Variants in TMEM26 observed in about 807,000 individuals in gnomAD.
The protein encoded by TMEM26 is transmembrane protein 26.
In TMEM26, 38 loss-of-function variants were observed where a neutral mutation model predicts 28.8. The ratio of observed to expected loss-of-function variants is 1.32; its 90% confidence interval spans 1.02 to 1.73. TMEM26 has a LOEUF of 1.73. Among genes scored for constraint, TMEM26 ranks in the 40% most tolerant of loss-of-function variants. The pLI is 0.00. For synonymous variants in TMEM26, 227 were observed against 182.9 expected (o/e 1.24, Z -1.95); for missense variants, 518 against 447.1 (o/e 1.16, Z -1.43).
At chr10:61,414,678 T>C (rs1425687431) in intron 4 of TMEM26, 5 of 152,060 alleles carry the variant, frequency 3.3e-5, no homozygotes, top group Admixed American at 6.6e-5. Flanking sequence ...AATCTCTAGT[T>C]AGATTATATA....
intron 1 of TMEM26, among the ~76,000 whole-genome samples, chr10:61,451,217 C>A (rs1318038893): frequency 2.0e-5 from 3 of 152,132 alleles, no homozygotes; most frequent in Non-Finnish European, 4.4e-5. Context: ...ATGTCAGTAC[C>A]AATCAGCAGT....
At position 61,409,177 on chromosome 10, in the gene TMEM26, G is replaced by A. The variant is rs1839532229; in HGVS notation, c.*1145C>T. The A allele has an allele frequency of 6.6e-6, 1 of 152,208 alleles. No individual in the cohort carries two copies. Among genetic ancestry groups the A allele is most frequent in the Non-Finnish European group, 1.5e-5 (1 of 68,042 alleles). 9.4% of individuals were successfully genotyped at this position (152,208 alleles called of 1,614,324 possible). Reference sequence around the variant, plus strand: ...GAATCACCTCCATCTGGAAAGTATAGAGGTATGTAAAGGAAAAGTATGGCT... The same window carrying A: ...GAATCACCTCCATCTGGAAAGTATAAAGGTATGTAAAGGAAAAGTATGGCT... On this transcript the variant is annotated 3_prime_UTR_variant, in exon 6 of 6. Coordinates refer to ENST00000399298, the MANE Select transcript of TMEM26 (RefSeq NM_178505.8).
At chr10:61,445,113 G>A (rs1165570856) in intron 1 of TMEM26, among the ~76,000 whole-genome samples, 1 of 152,200 alleles carries the variant, frequency 6.6e-6, no homozygotes, top group Non-Finnish European at 1.5e-5. Flanking sequence ...AGGATTACAT[G>A]AGATAAGGGA....
At chr10:61,449,778 G>T (rs1840245812) in intron 1 of TMEM26, among the ~76,000 whole-genome samples, 1 of 150,620 alleles carries the variant, frequency 6.6e-6, no homozygotes, top group African/African-American at 2.4e-5. Context: ...AATATGGAAG[G>T]TTTTTTTTTC....
At chr10:61,449,431 C>T (rs1389015636) in intron 1 of TMEM26, among the ~76,000 whole-genome samples, 1 of 152,180 alleles carries the variant, frequency 6.6e-6, no homozygotes. Context: ...CTCAGCAATT[C>T]CAGTTCCATG....
At chr10:61,417,857 G>A (rs1224160220) in intron 4 of TMEM26, among the ~76,000 whole-genome samples, 3 of 151,980 alleles carry the variant, frequency 2.0e-5, no homozygotes, top group Non-Finnish European at 4.4e-5. Flanking sequence ...AAATGAAAAG[G>A]TCAGCAAATC....
At chr10:61,414,022 G>T (rs1839611330) in intron 4 of TMEM26, 1 of 987,130 alleles carries the variant, frequency 1.0e-6, no homozygotes, top group Admixed American at 6.0e-5. Flanking sequence ...TAGGAAAAAG[G>T]TAAGGAGATA....
intron 4 of TMEM26, among the ~76,000 whole-genome samples, chr10:61,421,838 A>T (rs561831099): frequency 4.3e-4 from 65 of 152,270 alleles, no homozygotes; most frequent in Admixed American, 2.2e-3. Flanking sequence ...GCCCTAGTAA[A>T]CTAATATACA....
At chr10:61,416,053 T>C in intron 4 of TMEM26, 1 of 446,370 alleles carries the variant, frequency 2.2e-6, no homozygotes, top group South Asian at 1.6e-5. Flanking sequence ...CTAATAATAT[T>C]ACCTCAAAAT....
At position 61,410,538 on chromosome 10, in the gene TMEM26, C is replaced by G. The variant is rs779460085; in HGVS notation, c.891G>C (p.Val297=). 1.9e-6 allele frequency: 3 copies of G among 1,614,018 alleles called. No homozygotes were observed. The highest frequency in any genetic ancestry group is 4.5e-5 in the East Asian group (2 of 44,868). ...CCACCAAGCGGTAGAGTTGCAACAC[C>G]ACCACGAGGAAGTTCTTCGCGGCAA... is the stretch of plus-strand genomic sequence containing the variant. The part of the protein sequence containing the change: ...VFFAAKNFLV[V]VLQLYRLVVL... The change falls in exon 6 of 6, where the codon GTG becomes GTC. Residue 297 remains valine (V), a synonymous_variant. Transcript: ENST00000399298.
At chr10:61,425,969 A>G (rs1200582820) in intron 4 of TMEM26, among the ~76,000 whole-genome samples, 1 of 152,182 alleles carries the variant, frequency 6.6e-6, no homozygotes, top group African/African-American at 2.4e-5. Flanking sequence ...AAACATAGCC[A>G]GGCAAAAGTC....
intron 4 of TMEM26, among the ~76,000 whole-genome samples, chr10:61,423,635 G>C (rs1839783086): frequency 6.6e-6 from 1 of 152,154 alleles, no homozygotes; most frequent in South Asian, 2.1e-4. Flanking sequence ...CTGCTTGGGA[G>C]GCTGAGGTGG....
intron 2 of TMEM26, among the ~76,000 whole-genome samples, chr10:61,433,421 A>T (rs1307856077): frequency 2.6e-5 from 4 of 152,078 alleles, no homozygotes; most frequent in African/African-American, 9.7e-5. Context: ...CCTTTTTTTA[A>T]AAAAAGGCTG....
Position 61,428,975 on chromosome 10 carries a change from C to G in TMEM26, c.556G>C (p.Ala186Pro). 7 of 1,613,158 alleles carry G rather than the reference C, an allele frequency of 4.3e-6. No individual in the cohort carries two copies. The highest frequency in any genetic ancestry group is 5.9e-6 in the Non-Finnish European group (7 of 1,179,406). The change falls in exon 4 of 6, where the codon GCT becomes CCT. Residue 186 changes from alanine to proline, a missense_variant. Physicochemically the swap from Ala to Pro is conservative, Grantham distance 27. Coordinates refer to ENST00000399298, the MANE Select transcript of TMEM26 (RefSeq NM_178505.8). The part of the protein sequence containing the change: ...QLLLMFVGTA[A>P]DILEFTSETL... ...TCACTTGTGAATTCCAGTATGTCAG[C>G]CGCTGTCCCCACAAACATAAGAAGA... is the stretch of plus-strand genomic sequence containing the variant.
chr10:61,413,522 G>A lies in TMEM26; in HGVS notation c.619C>T (p.Leu207=), dbSNP rs781151540. ...CATATAACAAGGATGGCATAGACTA[G>A]TGCAGGACTATTCCTAGAATACAGA... The part of the protein sequence containing the change: ...EEQNVRNSPA[L]VYAILVIWTW... Residue 207 remains leucine, a synonymous_variant, in exon 5 of 6, where the codon CTA becomes TTA. Coordinates refer to ENST00000399298, the MANE Select transcript of TMEM26 (RefSeq NM_178505.8). 2.5e-6 allele frequency: 4 copies of A among 1,608,654 alleles called. No homozygotes were observed. Among genetic ancestry groups the A allele is most frequent in the Non-Finnish European group, 3.4e-6 (4 of 1,177,950 alleles).
intron 4 of TMEM26, among the ~76,000 whole-genome samples, chr10:61,422,520 T>C (rs1388138799): frequency 6.6e-6 from 1 of 152,102 alleles, no homozygotes; most frequent in Non-Finnish European, 1.5e-5. Context: ...GATCCCTATA[T>C]ATTCAGAAGT....
intron 4 of TMEM26, among the ~76,000 whole-genome samples, chr10:61,423,882 A>G (rs1438673990): frequency 2.0e-5 from 3 of 152,350 alleles, no homozygotes; most frequent in Middle Eastern, 6.8e-3. Flanking sequence ...TAAAAGCAGG[A>G]AAAGGATTTA....
At chr10:61,433,235 T>C (rs1839950979) in intron 2 of TMEM26, among the ~76,000 whole-genome samples, 1 of 152,164 alleles carries the variant, frequency 6.6e-6, no homozygotes, top group East Asian at 1.9e-4. Flanking sequence ...GCTCTTGTTA[T>C]TCTATTTGTT....
At chr10:61,445,360 A>G (rs1840162317) in intron 1 of TMEM26, among the ~76,000 whole-genome samples, 1 of 151,864 alleles carries the variant, frequency 6.6e-6, no homozygotes, top group Non-Finnish European at 1.5e-5. Context: ...GAACAACCCC[A>G]CCCCCTCTTC....
Sources: allele counts gnomAD v4.1 joint callset (sites outside exome capture counted in the v4.1 genomes callset), GRCh38; gene constraint gnomAD v4.1.1; transcripts MANE v1.5; gene names NCBI Gene and HGNC (gene_info 2026-07-23, HGNC 2026-07-21).